The following PREPL variants were observed in gnomAD, a reference collection of about 807,000 sequenced individuals.
The protein encoded by PREPL is prolyl endopeptidase-like.
In PREPL, 77 loss-of-function variants were observed where a neutral mutation model predicts 70.6. The ratio of observed to expected loss-of-function variants is 1.09; its 90% CI spans 0.91 to 1.32. PREPL has a LOEUF of 1.32. PREPL is among the 40% of genes most tolerant of loss of function. The pLI, the probability that PREPL is intolerant of heterozygous loss-of-function variation, is 0.00. For synonymous variants in PREPL, 315 were observed against 264.8 expected (o/e 1.19, Z -1.84); for missense variants, 1,002 against 778.2 (o/e 1.29, Z -3.42).
At chr2:44,338,230 TAA>T (rs1674838125) in intron 7 of PREPL, 119 bp downstream of exon 7, 2 of 956,950 alleles carry the variant, frequency 2.1e-6, no homozygotes, top group African/African-American at 1.7e-5. Flanking sequence ...AAATTCCATT[TAA>T]GTTACATTCC....
Position 44,321,190 on chromosome 2 carries a change from T to C in PREPL, c.*166A>G. On this transcript the variant is annotated 3_prime_UTR_variant, in exon 14 of 14. Coordinates refer to ENST00000409411, the MANE Select transcript of PREPL (RefSeq NM_001171613.2). Reference sequence around the variant, plus strand: ...ATGTGCATCAATGGAGAGAATAGTATAAGCAAGTGAGATGTAGACTAAGCA... The same window carrying C: ...ATGTGCATCAATGGAGAGAATAGTACAAGCAAGTGAGATGTAGACTAAGCA... 1.6e-6 allele frequency: 1 copy of C among 627,482 alleles called. No homozygotes were observed. 38.9% of individuals were successfully genotyped at this position (627,482 alleles called of 1,614,324 possible).
At chr2:44,322,200 A>C (rs1033966071) in intron 12 of PREPL, among the ~76,000 whole-genome samples, 1 of 152,164 alleles carries the variant, frequency 6.6e-6, no homozygotes, top group African/African-American at 2.4e-5. Flanking sequence ...TATGCCCTGG[A>C]AACACCAACT....
chr2:44,339,916 G>C (rs773471483), intron 5 of PREPL, among the ~76,000 whole-genome samples: 2 of 151,890 alleles, frequency 1.3e-5, no homozygotes, highest in Non-Finnish European at 2.9e-5. Context: ...AATAGAATAG[G>C]AAGAAAACCC....
rs765408423 is a variant in PREPL at position 44,323,150 on chromosome 2, C to A, written c.1629+112G>T. The A allele has an allele frequency of 4.4e-5, 47 of 1,070,976 alleles. No individual in the cohort carries two copies. In the Admixed American group the frequency reaches 4.5e-4, roughly 10 times the overall value. The allele number at this position is 1,070,976 out of a possible 1,614,324, so 66.3% of individuals were successfully genotyped here. ...GATGGTGCTGAAGATATTTGGGCATCATAAGTAGAAACATCTCTAAAGCTC... is the reference window on the plus strand; with the variant it reads ...GATGGTGCTGAAGATATTTGGGCATAATAAGTAGAAACATCTCTAAAGCTC... On this transcript the variant is annotated intron_variant, in intron 11 of 13. Coordinates refer to ENST00000409411, the MANE Select transcript of PREPL (RefSeq NM_001171613.2).
At chr2:44,322,286 G>T (rs977265059) in intron 12 of PREPL, among the ~76,000 whole-genome samples, 2 of 152,166 alleles carry the variant, frequency 1.3e-5, no homozygotes, top group Non-Finnish European at 2.9e-5. Context: ...AGGCAAAAGG[G>T]AGGGATTCTT....
At chr2:44,360,606 G>GAGTC (rs990920077) in intron 1 of PREPL, 2 of 152,184 alleles carry the variant, frequency 1.3e-5, no homozygotes, top group African/African-American at 2.4e-5. Flanking sequence ...AAGTAGTTAA[G>GAGTC]AGTCAGAGAG....
intron 2 of PREPL, among the ~76,000 whole-genome samples, chr2:44,344,844 C>G (rs186645272): frequency 1.3e-5 from 2 of 152,308 alleles, no homozygotes; most frequent in Non-Finnish European, 2.9e-5. Context: ...ATAACAAAAT[C>G]TGTCAGTTCT....
chr2:44,334,162 C>T (rs1276314176), intron 7 of PREPL, among the ~76,000 whole-genome samples: 1 of 152,168 alleles, frequency 6.6e-6, no homozygotes, highest in Admixed American at 6.5e-5. Context: ...TCTTAAGCCA[C>T]ATTTCCTATT....
At chr2:44,339,733 C>T (rs12472538) in intron 5 of PREPL, among the ~76,000 whole-genome samples, 4 of 152,034 alleles carry the variant, frequency 2.6e-5, no homozygotes, top group African/African-American at 7.2e-5. Flanking sequence ...AAACTACAAA[C>T]GTCATTTCTC....
chr2:44,323,688 T>C (rs1572842562), intron 10 of PREPL, among the ~76,000 whole-genome samples: 1 of 152,218 alleles, frequency 6.6e-6, no homozygotes, highest in East Asian at 1.9e-4. Context: ...TATTCATTTA[T>C]ATTTTTTCTT....
At chr2:44,324,465 C>G (rs78532351) in intron 10 of PREPL, among the ~76,000 whole-genome samples, 1,687 of 152,010 alleles carry the variant, frequency 0.011, 34 homozygotes, top group African/African-American at 0.039. Context: ...TCTTTTTGAC[C>G]AGTTGGACAT....
intron 9 of PREPL, among the ~76,000 whole-genome samples, chr2:44,327,458 T>A (rs189460124): frequency 9.2e-5 from 14 of 152,174 alleles, no homozygotes; most frequent in Middle Eastern, 3.4e-3. Flanking sequence ...TAAACTGAGT[T>A]GTGAAGGAAA....
intron 1 of PREPL, among the ~76,000 whole-genome samples, chr2:44,353,067 C>A (rs903490231): frequency 1.3e-5 from 2 of 151,168 alleles, no homozygotes; most frequent in African/African-American, 4.9e-5. Context: ...GGCAACATAG[C>A]AAGACTCTGT....
intron 2 of PREPL, among the ~76,000 whole-genome samples, chr2:44,345,487 G>C (rs919380408): frequency 6.6e-6 from 1 of 152,060 alleles, no homozygotes; most frequent in Non-Finnish European, 1.5e-5. Context: ...GAGTGGCTGG[G>C]ACTACAGGCG....
chr2:44,359,914 G>C (rs559022921), intron 1 of PREPL: 56 of 538,650 alleles, frequency 1.0e-4, no homozygotes, highest in Middle Eastern at 4.8e-4. Flanking sequence ...CTAAAAACCT[G>C]TGTAAGTTAA....
At chr2:44,349,316 T>C (rs1676155924) in intron 1 of PREPL, among the ~76,000 whole-genome samples, 1 of 152,112 alleles carries the variant, frequency 6.6e-6, no homozygotes. Flanking sequence ...GGAAATCTTA[T>C]GCCAGAAAAT....
chr2:44,328,124 A>G (rs1390951992), intron 9 of PREPL, among the ~76,000 whole-genome samples: 2 of 151,960 alleles, frequency 1.3e-5, no homozygotes, highest in East Asian at 1.9e-4. Context: ...CATCGCTACA[A>G]AAATTTCAAA....
Position 44,318,173 on chromosome 2 carries a change from C to G in PREPL, c.*3183G>C, listed in dbSNP as rs1213000911. 3 of 433,678 alleles carry G rather than the reference C, an allele frequency of 6.9e-6. No individual in the cohort carries two copies. Among genetic ancestry groups the G allele is most frequent in the Middle Eastern group, 6.9e-4 (2 of 2,882 alleles). The allele number at this position is 433,678 out of a possible 1,614,324, so 26.9% of individuals were successfully genotyped here. A position where few individuals can be genotyped will look rare whatever the true frequency, so the allele number is the denominator to read the frequency against. ...TGGCGTGATCTCGGCACACTGCAGC[C>G]TCTGCTTCCTGGGTTCAAGTGATTC... On this transcript the variant is annotated 3_prime_UTR_variant, in exon 14 of 14. Coordinates refer to ENST00000409411, the MANE Select transcript of PREPL (RefSeq NM_001171613.2).
intron 10 of PREPL, among the ~76,000 whole-genome samples, chr2:44,324,570 T>C (rs1231057605): frequency 6.6e-6 from 1 of 152,124 alleles, no homozygotes; most frequent in Non-Finnish European, 1.5e-5. Flanking sequence ...TAATTAGTGT[T>C]ACAAAATTTA....
Sources: gnomAD v4.1 joint callset for allele counts (sites outside exome capture counted in the v4.1 genomes callset) on GRCh38, gnomAD v4.1.1 for gene constraint, MANE v1.5 for transcripts, NCBI Gene and HGNC (gene_info 2026-07-23, HGNC 2026-07-21) for gene names.